The following TANC2 variants were observed in gnomAD, a reference collection of about 807,000 sequenced individuals.
The protein encoded by TANC2 is protein TANC2.
TANC2 carries 26 observed loss-of-function variants against 210.5 expected under a neutral mutation model. The observed-to-expected ratio is 0.12, with a 90% CI of 0.09 to 0.17. TANC2 has a LOEUF of 0.17. TANC2 is among the 10% of genes least tolerant of loss of function. The pLI, the probability that TANC2 is intolerant of heterozygous loss-of-function variation, is 1.00. For missense variants in TANC2, 2,129 were observed against 2,608.9 expected (o/e 0.82, Z 4.01); for synonymous variants, 931 against 967.1 (o/e 0.96, Z 0.69).
chr17:62,968,997 C>A (rs138285150), intron 1 of TANC2, among the ~76,000 whole-genome samples: 1 of 152,040 alleles, frequency 6.6e-6, no homozygotes, highest in Non-Finnish European at 1.5e-5. Flanking sequence ...GCTCAAATCC[C>A]GCAGTTGGTG....
At chr17:63,405,285 A>T in intron 20 of TANC2, 30 bp downstream of exon 20, 1 of 1,525,448 alleles carries the variant, frequency 6.6e-7, no homozygotes, top group Non-Finnish European at 8.9e-7. Context: ...CCAGTCCCTC[A>T]GGCAGGACTG....
intron 3 of TANC2, among the ~76,000 whole-genome samples, chr17:63,085,316 G>A (rs2036918952): frequency 6.6e-6 from 1 of 152,000 alleles, no homozygotes; most frequent in African/African-American, 2.4e-5. Flanking sequence ...GACCTTTGAA[G>A]TGATTATTGA....
intron 11 of TANC2, among the ~76,000 whole-genome samples, chr17:63,337,423 CTA>C (rs1175407278): frequency 6.6e-6 from 1 of 151,888 alleles, no homozygotes; most frequent in African/African-American, 2.4e-5. Flanking sequence ...ATCTTGAACT[CTA>C]TTAATTCTAA....
chr17:63,216,467 A>G (rs145468063), intron 7 of TANC2, among the ~76,000 whole-genome samples: 1 of 152,338 alleles, frequency 6.6e-6, no homozygotes. Context: ...CCTGTGAACC[A>G]TTCCAGCAAA....
intron 7 of TANC2, among the ~76,000 whole-genome samples, chr17:63,212,486 T>C (rs2041916037): frequency 6.6e-6 from 1 of 152,174 alleles, no homozygotes; most frequent in African/African-American, 2.4e-5. Flanking sequence ...AAGTGAGCCA[T>C]GTAATGACAG....
chr17:63,376,332 T>C (rs1458837810), intron 14 of TANC2, among the ~76,000 whole-genome samples: 1 of 151,108 alleles, frequency 6.6e-6, no homozygotes, highest in Non-Finnish European at 1.5e-5. Flanking sequence ...AGTCCCCATA[T>C]GTTGTGGGAG....
intron 2 of TANC2, among the ~76,000 whole-genome samples, chr17:63,056,128 T>C (rs1443971896): frequency 2.1e-5 from 3 of 142,758 alleles, no homozygotes; most frequent in Non-Finnish European, 3.1e-5. Flanking sequence ...TAAGCCATGA[T>C]TGTGTCCATG....
chr17:63,166,635 TG>T (rs1567779196), intron 5 of TANC2, among the ~76,000 whole-genome samples: 1 of 152,176 alleles, frequency 6.6e-6, no homozygotes, highest in Non-Finnish European at 1.5e-5. Context: ...AGAACAGTAA[TG>T]TTGAGAATAT....
chr17:63,095,014 A>AGTAATGTAGAGTACC (rs1336671395), intron 3 of TANC2, among the ~76,000 whole-genome samples: 1 of 150,818 alleles, frequency 6.6e-6, no homozygotes, highest in African/African-American at 2.4e-5. Context: ...TTTTTTTTTT[A>AGTAATGTAGAGTACC]ACTTCATGTT....
Position 63,384,615 on chromosome 17 carries a change from C to T in TANC2, c.2692-4020C>T, listed in dbSNP as rs938981371. 3.3e-5 allele frequency among the ~76,000 whole-genome samples: 5 copies of T among 152,152 alleles called. No individual in the cohort carries two copies. In the East Asian group the frequency reaches 9.7e-4, roughly 29 times the overall value. On this transcript the variant is annotated intron_variant, in intron 15 of 27. Coordinates refer to ENST00000689528, the Ensembl canonical transcript of TANC2. ...TTCCCTTACCCCATTCTCCTCCCTC[C>T]CCAGTGATAACCCTTATCCTAAAGT...
At position 63,226,414 on chromosome 17, in the gene TANC2, T is replaced by C. The variant is rs550556505; in HGVS notation, c.770-11400T>C. Among the ~76,000 whole-genome samples the C allele has an allele frequency of 8.4e-4, 128 of 152,274 alleles. 1 individual carries two copies. The highest frequency in any genetic ancestry group is 2.9e-3 in the African/African-American group (120 of 41,564). ...GAGTTCTAGTCTGATCTGGACTCTG[T>C]CTCCTCTCTGTCATTCTAGCCAGTG... On this transcript the variant is annotated intron_variant, in intron 7 of 27. Coordinates refer to ENST00000689528, the Ensembl canonical transcript of TANC2.
intron 9 of TANC2, among the ~76,000 whole-genome samples, chr17:63,302,045 CAT>C (rs2146496172): frequency 6.6e-6 from 1 of 152,322 alleles, no homozygotes; most frequent in African/African-American, 2.4e-5. Context: ...ACCCAGGAGT[CAT>C]TCAGGAGCAA....
chr17:63,314,217 G>A (rs1161016530), intron 9 of TANC2, among the ~76,000 whole-genome samples, 171 bp from the exon 10 acceptor site: 1 of 152,194 alleles, frequency 6.6e-6, no homozygotes, highest in Non-Finnish European at 1.5e-5. Context: ...TAGCTCGCCT[G>A]TGTTGCTTAT....
chr17:63,413,718 C>A, intron 25 of TANC2, 84 bp downstream of exon 25: 1 of 1,294,878 alleles, frequency 7.7e-7, no homozygotes, highest in Non-Finnish European at 1.1e-6. Context: ...CTTGATAATT[C>A]TCATCCTTTG....
intron 4 of TANC2, 104 bp from the exon 5 acceptor site, chr17:63,151,166 T>C (rs1176620448): frequency 2.4e-6 from 1 of 422,494 alleles, no homozygotes; most frequent in Non-Finnish European, 3.2e-6. Flanking sequence ...GTTTCTCTCT[T>C]TCCCTTTTTC....
Position 62,997,728 on chromosome 17 carries a change from A to T in TANC2, c.-23-11809A>T, listed in dbSNP as rs150882554. 1.8e-4 allele frequency among the ~76,000 whole-genome samples: 28 copies of T among 152,248 alleles called. No individual in the cohort carries two copies. The East Asian group carries it at 4.2e-3, about 23-fold the overall frequency. The stretch of plus-strand genomic sequence containing the variant: ...TTAAAATATTTTCTTCAATCTTTAA[A>T]CTATTAAAGCATTTTAATGGTATAA... On this transcript the variant is annotated intron_variant, in intron 1 of 27. Coordinates refer to ENST00000689528, the Ensembl canonical transcript of TANC2.
At chr17:63,113,131 G>A (rs796878554) in intron 4 of TANC2, among the ~76,000 whole-genome samples, 9 of 152,214 alleles carry the variant, frequency 5.9e-5, no homozygotes, top group African/African-American at 1.7e-4. Context: ...AAATATCCAC[G>A]ATTCAAAAGA....
Position 63,412,083 on chromosome 17 carries a change from G to A in TANC2, c.3851G>A (p.Arg1284Gln), listed in dbSNP as rs780840821. 1.1e-5 allele frequency: 17 copies of A among 1,613,734 alleles called. No homozygotes were observed. The highest frequency in any genetic ancestry group is 6.7e-5 in the East Asian group (3 of 44,874). ...CCTTTGGATAGGGCAGTGGGGTGCCGGAACACTTCTGTTGTTGTCACTCTT... is the reference window on the plus strand; with the variant it reads ...CCTTTGGATAGGGCAGTGGGGTGCCAGAACACTTCTGTTGTTGTCACTCTT... Residue 1284 changes from arginine (R) to glutamine (Q), a missense_variant, in exon 23 of 28, where the codon CGG (arginine) becomes CAG (glutamine). Arg to Gln is a conservative substitution (Grantham distance 43, BLOSUM62 1). This residue lies in a region of TANC2 where 644 missense variants were observed against 937.5 expected (regional missense o/e 0.69). Coordinates refer to ENST00000689528, the Ensembl canonical transcript of TANC2. The surrounding 1 kb of genome is among the most constrained non-coding windows in gnomAD (Gnocchi z 4.2).
intron 15 of TANC2, 21 bp downstream of exon 15, chr17:63,379,847 C>A (rs1395620876): frequency 1.3e-6 from 2 of 1,585,572 alleles, no homozygotes; most frequent in East Asian, 2.2e-5. Flanking sequence ...CAGTTGGAAC[C>A]ATTTTTCCGC....
Sources: allele counts gnomAD v4.1 joint callset (sites outside exome capture counted in the v4.1 genomes callset), GRCh38; gene constraint gnomAD v4.1.1; regional missense constraint gnomAD v4.1.1; non-coding constraint Gnocchi (gnomAD v3.1); transcripts MANE v1.5; gene names NCBI Gene and HGNC (gene_info 2026-07-23, HGNC 2026-07-21).